ARHGEF28: variants seen among roughly 807,000 people sequenced by gnomAD.
ARHGEF28 encodes the protein Rho guanine nucleotide exchange factor 28.
ARHGEF28 carries 152 observed loss-of-function variants against 206.6 expected under a neutral mutation model. That is an observed-to-expected ratio of 0.74 (90% CI 0.64 to 0.84). ARHGEF28 has a LOEUF of 0.84. Ranked by LOEUF, ARHGEF28 falls within the 40% of genes least tolerant of loss-of-function variation. The pLI is 0.00. For synonymous variants in ARHGEF28, 763 were observed against 776.4 expected (o/e 0.98, Z 0.29); for missense variants, 2,028 against 2,073.2 (o/e 0.98, Z 0.42).
intron 1 of ARHGEF28, among the ~76,000 whole-genome samples, chr5:73,669,572 C>T (rs2112210725): frequency 6.6e-6 from 1 of 152,272 alleles, no homozygotes; most frequent in Non-Finnish European, 1.5e-5. Context: ...TGCCTAGTTC[C>T]CACAATGGAA....
At chr5:73,691,321 T>A (rs1246231264) in intron 2 of ARHGEF28, among the ~76,000 whole-genome samples, 1 of 141,054 alleles carries the variant, frequency 7.1e-6, no homozygotes, top group Non-Finnish European at 1.6e-5. Flanking sequence ...ACACACACAC[T>A]CATGATATTT....
At chr5:73,734,458 T>C (rs1318271484) in intron 2 of ARHGEF28, among the ~76,000 whole-genome samples, 1 of 152,134 alleles carries the variant, frequency 6.6e-6, no homozygotes, top group Non-Finnish European at 1.5e-5. Flanking sequence ...CAGGACACAC[T>C]TCTAGGCAAA....
At chr5:73,769,713 A>G (rs531187545) in intron 4 of ARHGEF28, among the ~76,000 whole-genome samples, 1 of 152,226 alleles carries the variant, frequency 6.6e-6, no homozygotes, top group African/African-American at 2.4e-5. Flanking sequence ...TGACTTTATT[A>G]GATAATGTTG....
intron 35 of ARHGEF28, among the ~76,000 whole-genome samples, chr5:73,931,347 A>G (rs1404889756): frequency 6.6e-6 from 1 of 152,056 alleles, no homozygotes; most frequent in Non-Finnish European, 1.5e-5. Context: ...AGTCATTTTT[A>G]CTGGTTATTT....
chr5:73,816,697 C>T (rs992839093), intron 9 of ARHGEF28, among the ~76,000 whole-genome samples: 1 of 152,214 alleles, frequency 6.6e-6, no homozygotes, highest in Non-Finnish European at 1.5e-5. Context: ...ATCCTTATGC[C>T]TTCAGCGGGA....
chr5:73,745,800 TTCAC>T (rs1161835995), intron 2 of ARHGEF28, among the ~76,000 whole-genome samples: 1 of 152,072 alleles, frequency 6.6e-6, no homozygotes, highest in African/African-American at 2.4e-5. Context: ...TTCCAACTGG[TTCAC>T]TTGGGAAACT....
chr5:73,850,617 G>A (rs1426959582), intron 13 of ARHGEF28, among the ~76,000 whole-genome samples: 1 of 152,028 alleles, frequency 6.6e-6, no homozygotes, highest in Middle Eastern at 3.2e-3. Flanking sequence ...TTAGATCTGT[G>A]GTCCTTGATC....
intron 1 of ARHGEF28, among the ~76,000 whole-genome samples, chr5:73,641,558 C>T (rs1744104913): frequency 6.6e-6 from 1 of 152,096 alleles, no homozygotes; most frequent in South Asian, 2.1e-4. Flanking sequence ...TTTGTTGCCT[C>T]ATTGAGAAGG....
Position 73,894,384 on chromosome 5 carries a change from A to G in ARHGEF28, c.3659-9A>G, listed in dbSNP as rs1184470432. The G allele has an allele frequency of 6.3e-7, 1 of 1,593,882 alleles. No individual in the cohort carries two copies. Among genetic ancestry groups the G allele is most frequent in the Non-Finnish European group, 8.6e-7 (1 of 1,166,218 alleles). ...GTGATAATCTTCTATGGTAAATACT[A>G]TTTCATAGAAATACTCACTAACCAA... On this transcript the variant is annotated splice_polypyrimidine_tract_variant and intron_variant, in intron 28 of 35. Transcript: ENST00000513042.
At chr5:73,891,976 C>T in intron 26 of ARHGEF28, 76 bp from the exon 27 acceptor site, 1 of 1,380,308 alleles carries the variant, frequency 7.2e-7, no homozygotes, top group Admixed American at 2.2e-5. Context: ...ACTCTTGCTT[C>T]CTTTAGCTCA....
At chr5:73,900,897 C>T (rs1580071627) in intron 30 of ARHGEF28, 1 of 270,972 alleles carries the variant, frequency 3.7e-6, no homozygotes, top group East Asian at 8.5e-5. Context: ...CCCTCTGTAA[C>T]ACAAACGACA....
chr5:73,853,660 G>A (rs1322769512), intron 14 of ARHGEF28, among the ~76,000 whole-genome samples: 1 of 152,164 alleles, frequency 6.6e-6, no homozygotes, highest in Admixed American at 6.6e-5. Flanking sequence ...TGGCAATGAG[G>A]ATGATGATAG....
chr5:73,749,746 G>T, intron 2 of ARHGEF28, 91 bp from the exon 3 acceptor site: 2 of 1,400,320 alleles, frequency 1.4e-6, no homozygotes, highest in Non-Finnish European at 2.0e-6. Context: ...CATAACAAAT[G>T]ACACTGTTAT....
intron 10 of ARHGEF28, among the ~76,000 whole-genome samples, chr5:73,838,405 A>G (rs1757791375): frequency 6.6e-6 from 1 of 152,236 alleles, no homozygotes; most frequent in East Asian, 1.9e-4. Flanking sequence ...AAGGAAACCT[A>G]AAAACATTAC....
chr5:73,917,242 A>T (rs533499850), intron 35 of ARHGEF28, among the ~76,000 whole-genome samples: 6 of 152,338 alleles, frequency 3.9e-5, no homozygotes, highest in Admixed American at 1.3e-4. Flanking sequence ...TCAGAGATAT[A>T]TATAGGAGTC....
chr5:73,765,648 G>C (rs1459532137), intron 4 of ARHGEF28, among the ~76,000 whole-genome samples: 2 of 152,184 alleles, frequency 1.3e-5, no homozygotes, highest in African/African-American at 4.8e-5. Context: ...TAAGCTAGCT[G>C]TATGCTTCTC....
intron 2 of ARHGEF28, among the ~76,000 whole-genome samples, chr5:73,706,447 T>C (rs1014681259): frequency 1.3e-5 from 2 of 151,692 alleles, no homozygotes; most frequent in African/African-American, 4.8e-5. Context: ...ACATATAACA[T>C]TGAAAAAAAA....
At chr5:73,798,536 A>G (rs535480777) in intron 9 of ARHGEF28, among the ~76,000 whole-genome samples, 1 of 152,152 alleles carries the variant, frequency 6.6e-6, no homozygotes, top group African/African-American at 2.4e-5. Flanking sequence ...TTATGGCCCC[A>G]TTCTCTGCAG....
chr5:73,819,186 G>T (rs898130259), intron 9 of ARHGEF28, among the ~76,000 whole-genome samples: 1 of 152,220 alleles, frequency 6.6e-6, no homozygotes, highest in African/African-American at 2.4e-5. Context: ...CTTGTGGCCT[G>T]TTGATTCATG....
Sources: gnomAD v4.1 joint callset for allele counts (sites outside exome capture counted in the v4.1 genomes callset) on GRCh38, gnomAD v4.1.1 for gene constraint, MANE v1.5 for transcripts, NCBI Gene and HGNC (gene_info 2026-07-23, HGNC 2026-07-21) for gene names.